Variants in TMEM217 observed in about 807,000 individuals in gnomAD.
TMEM217 encodes transmembrane protein 217.
For synonymous variants in TMEM217, 76 were observed against 88.3 expected (o/e 0.86, Z 0.78); for missense variants, 204 against 248.8 (o/e 0.82, Z 1.21).
exon 1 of TMEM217, chr6:37,257,772 A>G: frequency 1.2e-6 from 1 of 837,416 alleles, no homozygotes; most frequent in Non-Finnish European, 1.9e-6. Context: ...AGGGGTGCCC[A>G]CATCCAAGAT....
At chr6:37,241,537 A>G (rs1009404971) in intron 1 of TMEM217, among the ~76,000 whole-genome samples, 2 of 152,130 alleles carry the variant, frequency 1.3e-5, no homozygotes, top group African/African-American at 2.4e-5. Context: ...GCAGGATCCA[A>G]GGTCCCCATT....
rs377058452 is a variant in TMEM217 at position 37,247,535 on chromosome 6, G to A, written c.-12+10033C>T. On this transcript the variant is annotated intron_variant, in intron 1 of 1. Transcript: ENST00000357219. ...CCCAAGTAGCTGGGACTACAGGTGCGTGCCACCACAACCAGCTAATTTTTG... is the reference window on the plus strand; with the variant it reads ...CCCAAGTAGCTGGGACTACAGGTGCATGCCACCACAACCAGCTAATTTTTG... 1.4e-4 allele frequency among the ~76,000 whole-genome samples: 21 copies of A among 151,962 alleles called. No homozygotes were observed. In the South Asian group the frequency reaches 3.5e-3, roughly 26 times the overall value.
downstream of TMEM217, chr6:37,213,023 G>A (rs1395122090): frequency 1.3e-5 from 19 of 1,455,566 alleles, no homozygotes; most frequent in African/African-American, 5.7e-5. Context: ...ATACAGACAC[G>A]TGACAAGATG....
At chr6:37,220,206 G>T (rs182148453) in intron 1 of TMEM217, among the ~76,000 whole-genome samples, 1 of 152,106 alleles carries the variant, frequency 6.6e-6, no homozygotes, top group African/African-American at 2.4e-5. Context: ...TTAAAATGCT[G>T]GATAAAATAG....
At chr6:37,243,156 G>A (rs1386122160) in intron 1 of TMEM217, among the ~76,000 whole-genome samples, 1 of 152,058 alleles carries the variant, frequency 6.6e-6, no homozygotes, top group Non-Finnish European at 1.5e-5. Flanking sequence ...AACTAATAAA[G>A]TCCACCACGG....
intron 1 of TMEM217, among the ~76,000 whole-genome samples, chr6:37,238,741 G>GA (rs1204360406): frequency 2.6e-5 from 4 of 152,210 alleles, no homozygotes; most frequent in Non-Finnish European, 5.9e-5. Flanking sequence ...AGTAGGCTAA[G>GA]GATGCCAACA....
intron 1 of TMEM217, among the ~76,000 whole-genome samples, chr6:37,221,031 TACAA>T (rs1033073892): frequency 2.6e-5 from 4 of 152,158 alleles, no homozygotes; most frequent in African/African-American, 7.2e-5. Context: ...CATTTTGTTG[TACAA>T]ACAATCTCTA....
At chr6:37,215,570 C>CAAAAAAACAAAAAAAAAAAAAAAA (rs1763148031), downstream of TMEM217, among the ~76,000 whole-genome samples, 1 of 72,376 alleles carries the variant, frequency 1.4e-5, no homozygotes, top group African/African-American at 6.0e-5. Flanking sequence ...GACTCTGTCT[C>CAAAAAAACAAAAAAAAAAAAAAAA]AAAAAAAAAA....
downstream of TMEM217, chr6:37,212,688 G>T (rs1762976740): frequency 1.6e-6 from 1 of 619,252 alleles, no homozygotes; most frequent in Non-Finnish European, 3.0e-6. Flanking sequence ...GCTCGTAAGT[G>T]ATGATCCACA....
chr6:37,235,387 A>T (rs1764442993), intron 1 of TMEM217, among the ~76,000 whole-genome samples: 1 of 151,980 alleles, frequency 6.6e-6, no homozygotes, highest in Non-Finnish European at 1.5e-5. Flanking sequence ...TTTTTTTGAG[A>T]CAGAGTCTTG....
exon 4 of TMEM217, chr6:37,212,581 A>G (rs992611288): frequency 4.2e-6 from 2 of 470,702 alleles, no homozygotes; most frequent in Middle Eastern, 3.2e-4. Context: ...GTGCAGGAGC[A>G]TGTGTGAGAT....
At chr6:37,224,996 T>C (rs1335552445) in intron 1 of TMEM217, among the ~76,000 whole-genome samples, 11 of 149,598 alleles carry the variant, frequency 7.4e-5, no homozygotes, top group African/African-American at 2.5e-4. Flanking sequence ...CTGCCCAACA[T>C]GGCCCATCTC....
chr6:37,212,948 G>A, downstream of TMEM217: 1 of 1,549,960 alleles, frequency 6.5e-7, no homozygotes, highest in Middle Eastern at 1.7e-4. Flanking sequence ...CCCACCATGA[G>A]GGAGAACATC....
downstream of TMEM217, chr6:37,215,216 G>A (rs767224698): frequency 9.3e-6 from 15 of 1,613,760 alleles, no homozygotes; most frequent in Non-Finnish European, 1.3e-5. Flanking sequence ...CATCTATTGT[G>A]TATCTACAGG....
chr6:37,213,921 G>A (rs1294805777), downstream of TMEM217, among the ~76,000 whole-genome samples: 1 of 152,178 alleles, frequency 6.6e-6, no homozygotes, highest in Non-Finnish European at 1.5e-5. Context: ...TCACACATTA[G>A]GAGAACACAG....
At chr6:37,257,916 C>G in exon 1 of TMEM217, 1 of 1,613,716 alleles carries the variant, frequency 6.2e-7, no homozygotes, top group Non-Finnish European at 8.5e-7. Context: ...CCGGCCAGAG[C>G]AATGGCCGCT....
chr6:37,254,131 C>T (rs1289982141), intron 1 of TMEM217, among the ~76,000 whole-genome samples: 11 of 152,222 alleles, frequency 7.2e-5, no homozygotes, highest in Admixed American at 7.2e-4. Flanking sequence ...GGATCAGCAG[C>T]ATCAGTGTCA....
chr6:37,215,923 A>C (rs1763177198), downstream of TMEM217, among the ~76,000 whole-genome samples: 1 of 152,142 alleles, frequency 6.6e-6, no homozygotes, highest in Admixed American at 6.6e-5. Flanking sequence ...CAGGGGCCAG[A>C]TCAGGAAGGA....
intron 1 of TMEM217, 100 bp from the exon 2 acceptor site, chr6:37,219,141 T>C (rs1763385439): frequency 2.8e-6 from 3 of 1,055,334 alleles, no homozygotes; most frequent in Non-Finnish European, 4.1e-6. Flanking sequence ...TGGAGAAATA[T>C]AGACAGAAAT....
Sources: gnomAD v4.1 joint callset for allele counts (sites outside exome capture counted in the v4.1 genomes callset) on GRCh38, gnomAD v4.1.1 for gene constraint, MANE v1.5 for transcripts, NCBI Gene and HGNC (gene_info 2026-07-23, HGNC 2026-07-21) for gene names.